The following RNF141 variants were observed in gnomAD, a reference collection of about 807,000 sequenced individuals.
The protein encoded by RNF141 is ring finger protein 141.
RNF141 carries 18 observed loss-of-function variants against 27.4 expected under a neutral mutation model. The observed-to-expected ratio is 0.66, with a 90% CI of 0.45 to 0.97. The LOEUF (loss-of-function observed/expected upper bound fraction) is 0.97, where lower values mean the gene tolerates loss of function less well. Ranked by LOEUF, RNF141 falls within the 50% of genes least tolerant of loss-of-function variation. The pLI is 0.00. For synonymous variants in RNF141, 97 were observed against 96.6 expected, an observed-to-expected ratio of 1.00 and a Z score of -0.02; for missense variants, 230 against 279.4, an observed-to-expected ratio of 0.82 and a Z score of 1.26.
Position 10,525,341 on chromosome 11 carries a change from T to C in RNF141, c.285A>G (p.Ser95=), listed in dbSNP as rs899591905. 6.2e-7 allele frequency: 1 copy of C among 1,602,730 alleles called. No individual in the cohort carries two copies. Among genetic ancestry groups the C allele is most frequent in the Non-Finnish European group, 8.5e-7 (1 of 1,174,768 alleles). The part of the protein sequence containing the change: ...INKSSGIVEA[S]RIMNLYQFIQ... The stretch of plus-strand genomic sequence containing the variant: ...TAAACTGGTATAAATTCATGATCCG[T>C]GATGCCTCCACAATGCCACTGCTTT... Residue 95 remains serine (S), a synonymous_variant, in exon 4 of 6, where the codon TCA becomes TCG. Transcript: ENST00000265981.
At chr11:10,527,645 CG>C (rs55785645) in intron 3 of RNF141, among the ~76,000 whole-genome samples, 98,431 of 150,924 alleles carry the variant, frequency 0.65, 32,254 homozygotes, top group East Asian at 0.84. Context: ...TGAGAAGTCA[CG>C]GGGGGGGGTT....
At chr11:10,525,445 C>T in intron 3 of RNF141, 72 bp from the exon 4 acceptor site, 1 of 1,172,370 alleles carries the variant, frequency 8.5e-7, no homozygotes, top group Non-Finnish European at 1.2e-6. Context: ...AAAGGGGGAA[C>T]AAATATTTAG....
At chr11:10,520,984 A>G (rs1034742232) in intron 4 of RNF141, among the ~76,000 whole-genome samples, 12 of 152,260 alleles carry the variant, frequency 7.9e-5, no homozygotes, top group Admixed American at 6.5e-5. Flanking sequence ...GATAATGGGC[A>G]TATGAGTGAA....
intron 4 of RNF141, among the ~76,000 whole-genome samples, chr11:10,524,020 A>C (rs949886887): frequency 6.6e-6 from 1 of 152,250 alleles, no homozygotes; most frequent in Non-Finnish European, 1.5e-5. Flanking sequence ...ATAATTGGGA[A>C]ATAATAAATG....
rs1424996166 is a variant in RNF141 at position 10,525,500 on chromosome 11, A to G, written c.253-127T>C. The stretch of plus-strand genomic sequence containing the variant: ...GGAGTTTTCAGGATTTGCAAATTAC[A>G]TAAGAAAGCAAGAGTCTGAATAAAT... On this transcript the variant is annotated intron_variant, in intron 3 of 5. Transcript: ENST00000265981. 1.2e-4 allele frequency: 78 copies of G among 651,580 alleles called. No homozygotes were observed. In the East Asian group the frequency reaches 2.0e-3, roughly 17 times the overall value. 40.4% of individuals were successfully genotyped at this position (651,580 alleles called of 1,614,324 possible).
intron 2 of RNF141, among the ~76,000 whole-genome samples, chr11:10,532,537 A>ACACACACACACC (rs777997279): frequency 2.1e-5 from 2 of 94,988 alleles, no homozygotes; most frequent in Non-Finnish European, 4.8e-5. Context: ...ACACACACAC[A>ACACACACACACC]CCCCACAACT....
chr11:10,533,544 T>C (rs72859180), intron 2 of RNF141, among the ~76,000 whole-genome samples: 1,869 of 151,448 alleles, frequency 0.012, 17 homozygotes, highest in Non-Finnish European at 0.018. Flanking sequence ...AAAAAAAGTA[T>C]ATATATATAT....
At chr11:10,534,663 C>G (rs1290862959) in intron 1 of RNF141, among the ~76,000 whole-genome samples, 1 of 151,996 alleles carries the variant, frequency 6.6e-6, no homozygotes, top group Non-Finnish European at 1.5e-5. Context: ...AATATTACAC[C>G]CCTACCTATT....
intron 1 of RNF141, among the ~76,000 whole-genome samples, chr11:10,534,684 A>T (rs927311386): frequency 6.6e-6 from 1 of 152,166 alleles, no homozygotes; most frequent in Non-Finnish European, 1.5e-5. Flanking sequence ...TCCCATAGAC[A>T]GGGAAACTGA....
chr11:10,522,562 G>A (rs967569027), intron 4 of RNF141, among the ~76,000 whole-genome samples: 6 of 152,176 alleles, frequency 3.9e-5, no homozygotes, highest in African/African-American at 9.7e-5. Flanking sequence ...GTATGTAGAC[G>A]AGACCCACAT....
intron 5 of RNF141, 115 bp downstream of exon 5, chr11:10,518,919 A>G (rs2133966011): frequency 1.5e-6 from 1 of 687,782 alleles, no homozygotes. Context: ...TCAAAGTACT[A>G]AAGAATAAAA....
chr11:10,527,553 G>A (rs1441496874), intron 3 of RNF141, among the ~76,000 whole-genome samples: 1 of 150,914 alleles, frequency 6.6e-6, no homozygotes, highest in African/African-American at 2.4e-5. Flanking sequence ...AGGAAGGAGT[G>A]GTAGATAGAC....
Position 10,522,481 on chromosome 11 carries a change from T to G in RNF141, c.434+2711A>C, listed in dbSNP as rs572369552. ...GTTAGATCACCTGTAGATTGGAATA[T>G]TTGGTTCTATGCCTCATACTCTGAA... On this transcript the variant is annotated intron_variant, in intron 4 of 5. Coordinates refer to ENST00000265981, the MANE Select transcript of RNF141 (RefSeq NM_016422.4). Among the ~76,000 whole-genome samples, 6 of 152,296 alleles carry G rather than the reference T, an allele frequency of 3.9e-5. No individual in the cohort carries two copies. In the South Asian group the frequency reaches 1.0e-3, roughly 26 times the overall value.
Position 10,512,539 on chromosome 11 carries a change from A to G in RNF141, c.*2377T>C, listed in dbSNP as rs1441341778. The G allele has an allele frequency of 6.6e-6, 1 of 152,596 alleles. No homozygotes were observed. The highest frequency in any genetic ancestry group is 1.5e-5 in the Non-Finnish European group (1 of 68,026). The allele number at this position is 152,596 out of a possible 1,614,324, so 9.5% of individuals were successfully genotyped here. ...TCATTGGCTATCCCTGGAAAGATCC[A>G]AAACTCTGTAAGGTAACTCTGTTCA... is the stretch of plus-strand genomic sequence containing the variant. On this transcript the variant is annotated 3_prime_UTR_variant, in exon 6 of 6. Transcript: ENST00000265981.
In RNF141 at chr11:10,513,874, C is replaced by A. The variant is rs927287698; in HGVS notation, c.*1042G>T. On this transcript the variant is annotated 3_prime_UTR_variant, in exon 6 of 6. Coordinates refer to ENST00000265981, the MANE Select transcript of RNF141 (RefSeq NM_016422.4). ...GTATTTTAGTAGAGAGAGGATTTCG[C>A]CATGTTGGCCAGGCTGGTCTCAAAC... The A allele has an allele frequency of 3.3e-5, 5 of 152,124 alleles. No homozygotes were observed. Among genetic ancestry groups the A allele is most frequent in the Non-Finnish European group, 5.9e-5 (4 of 68,070 alleles). The allele number at this position is 152,124 out of a possible 1,614,324, so 9.4% of individuals were successfully genotyped here. A position where few individuals can be genotyped will look rare whatever the true frequency, so the allele number is the denominator to read the frequency against.
At chr11:10,534,801 C>T (rs1850019947) in intron 1 of RNF141, among the ~76,000 whole-genome samples, 1 of 151,990 alleles carries the variant, frequency 6.6e-6, no homozygotes, top group Non-Finnish European at 1.5e-5. Context: ...GACATACTGG[C>T]TCACAATATA....
In RNF141 at chr11:10,523,637, A is replaced by G. The variant is rs116351595; in HGVS notation, c.434+1555T>C. ...TTATTATAAACTGAAAAAACACACAAAAACAAGAAGCACCCCTAACAAGCT... is the reference window on the plus strand; with the variant it reads ...TTATTATAAACTGAAAAAACACACAGAAACAAGAAGCACCCCTAACAAGCT... On this transcript the variant is annotated intron_variant, in intron 4 of 5. Transcript: ENST00000265981. 6.4e-3 allele frequency among the ~76,000 whole-genome samples: 972 copies of G among 152,310 alleles called. 10 individuals are homozygous for G. Among genetic ancestry groups the G allele is most frequent in the African/African-American group, 0.022 (932 of 41,570 alleles).
chr11:10,536,828 C>G (rs1210382966), intron 1 of RNF141, among the ~76,000 whole-genome samples: 3 of 152,144 alleles, frequency 2.0e-5, no homozygotes, highest in Admixed American at 1.3e-4. Flanking sequence ...CTAAAATAAT[C>G]CTAAACTCTT....
intron 1 of RNF141, among the ~76,000 whole-genome samples, chr11:10,535,127 C>T (rs1342584845): frequency 6.7e-6 from 1 of 150,050 alleles, no homozygotes; most frequent in Non-Finnish European, 1.5e-5. Context: ...AATTAACAAC[C>T]ATATCACATA....
Sources: allele counts gnomAD v4.1 joint callset (sites outside exome capture counted in the v4.1 genomes callset), GRCh38; gene constraint gnomAD v4.1.1; transcripts MANE v1.5; gene names NCBI Gene and HGNC (gene_info 2026-07-23, HGNC 2026-07-21).